DLG2: variants seen among roughly 807,000 people sequenced by gnomAD.
DLG2 encodes the protein discs large MAGUK scaffold protein 2.
DLG2 carries 45 observed loss-of-function variants against 132.5 expected under a neutral mutation model. That is an observed-to-expected ratio of 0.34 (90% CI 0.27 to 0.44). DLG2 has a LOEUF of 0.44. Among genes scored for constraint, DLG2 ranks in the 20% least tolerant of loss-of-function variants. DLG2 has a pLI of 1.00. For missense variants in DLG2, 1,045 were observed against 1,196.9 expected (o/e 0.87, Z 1.87); for synonymous variants, 424 against 419.6 (o/e 1.01, Z -0.13).
At chr11:84,321,177 T>G (rs1481297430) in intron 7 of DLG2, among the ~76,000 whole-genome samples, 1 of 152,210 alleles carries the variant, frequency 6.6e-6, no homozygotes, top group Non-Finnish European at 1.5e-5. Flanking sequence ...ATTTGTATAC[T>G]TGTCTGTGTA....
chr11:84,283,330 T>C (rs1254537410), intron 7 of DLG2, among the ~76,000 whole-genome samples: 2 of 152,220 alleles, frequency 1.3e-5, no homozygotes, highest in Non-Finnish European at 2.9e-5. Context: ...CCAAGTTCCA[T>C]AGTTTCTGTA....
intron 6 of DLG2, among the ~76,000 whole-genome samples, chr11:84,788,944 GAA>G (rs556221193): frequency 7.4e-4 from 113 of 152,234 alleles, no homozygotes; most frequent in African/African-American, 2.6e-3. Flanking sequence ...ACTAAGACCA[GAA>G]CAGAAGATGG....
chr11:84,312,497 A>G (rs1312341344), intron 7 of DLG2, among the ~76,000 whole-genome samples: 2 of 152,110 alleles, frequency 1.3e-5, no homozygotes, highest in Non-Finnish European at 2.9e-5. Context: ...AACGAACAAA[A>G]CAAAACAAAA....
rs2078325311 is a variant in DLG2, at chr11:85,282,934, C to G, written c.186+2286G>C. ...AAAAGGAACGAGATCATGCCCTTTGCAGGAACATAGATGAAGCTGGAGGTC... is the reference window on the plus strand; with the variant it reads ...AAAAGGAACGAGATCATGCCCTTTGGAGGAACATAGATGAAGCTGGAGGTC... On this transcript the variant is annotated intron_variant, in intron 4 of 27. Transcript: ENST00000376104. Among the ~76,000 whole-genome samples the G allele has an allele frequency of 1.3e-5, 2 of 152,004 alleles. 1 individual carries two copies. The highest frequency in any genetic ancestry group is 4.2e-4 in the South Asian group (2 of 4,810).
At chr11:85,099,343 G>C (rs573226141) in intron 6 of DLG2, among the ~76,000 whole-genome samples, 121 of 152,298 alleles carry the variant, frequency 7.9e-4, no homozygotes, top group African/African-American at 2.9e-3. Context: ...AGAACAAAAA[G>C]TCAGAACAGT....
chr11:84,652,171 C>G (rs115659014), intron 6 of DLG2, among the ~76,000 whole-genome samples: 1 of 152,052 alleles, frequency 6.6e-6, no homozygotes, highest in Non-Finnish European at 1.5e-5. Context: ...ATATTGTAAA[C>G]GTGTCACTTC....
At chr11:83,583,104 G>A (rs1248714124) in intron 19 of DLG2, among the ~76,000 whole-genome samples, 2 of 152,192 alleles carry the variant, frequency 1.3e-5, no homozygotes, top group Admixed American at 6.5e-5. Context: ...TCTCTCACTT[G>A]AGAGTTTCAT....
intron 9 of DLG2, among the ~76,000 whole-genome samples, chr11:84,150,050 C>T (rs1229635336): frequency 1.3e-5 from 2 of 152,132 alleles, no homozygotes; most frequent in African/African-American, 4.8e-5. Flanking sequence ...GCCACTGCAC[C>T]CAGCCACATA....
chr11:84,518,514 A>G (rs2154515993), intron 7 of DLG2, among the ~76,000 whole-genome samples: 1 of 152,220 alleles, frequency 6.6e-6, no homozygotes, highest in East Asian at 1.9e-4. Context: ...TAAGAAAACA[A>G]AAAGCAAACA....
intron 3 of DLG2, among the ~76,000 whole-genome samples, chr11:85,312,560 A>G (rs2080383226): frequency 1.3e-5 from 2 of 151,924 alleles, no homozygotes; most frequent in Admixed American, 1.3e-4. Flanking sequence ...AAGCATGAAA[A>G]GATTTTCAAA....
chr11:83,588,567 C>G (rs920379249), intron 19 of DLG2, among the ~76,000 whole-genome samples: 2 of 151,972 alleles, frequency 1.3e-5, no homozygotes, highest in Non-Finnish European at 2.9e-5. Context: ...ACTGGAAACT[C>G]TAAAAAGCAG....
intron 6 of DLG2, chr11:84,640,440 G>A: frequency 2.1e-6 from 1 of 473,916 alleles, no homozygotes. Context: ...AAACAACATT[G>A]AGCTTATTTC....
intron 4 of DLG2, among the ~76,000 whole-genome samples, chr11:85,249,654 A>T (rs1044886811): frequency 6.6e-6 from 1 of 152,232 alleles, no homozygotes; most frequent in East Asian, 1.9e-4. Context: ...AGCAGAATCA[A>T]TGATGGAGAC....
At chr11:85,498,167 G>C (rs1266733631) in intron 3 of DLG2, among the ~76,000 whole-genome samples, 2 of 152,160 alleles carry the variant, frequency 1.3e-5, no homozygotes. Context: ...CCATCAGTGT[G>C]CTATATTCAG....
intron 6 of DLG2, chr11:84,640,325 C>T (rs185460159): frequency 3.5e-5 from 12 of 347,530 alleles, no homozygotes; most frequent in African/African-American, 1.7e-4. Flanking sequence ...CTCTTGTTGA[C>T]ATCCGAAATT....
At chr11:84,821,844 G>C (rs2077736519) in intron 6 of DLG2, among the ~76,000 whole-genome samples, 1 of 151,522 alleles carries the variant, frequency 6.6e-6, no homozygotes, top group Admixed American at 6.6e-5. Flanking sequence ...TGTCTGGCTT[G>C]GTATATGGAG....
intron 22 of DLG2, 63 bp from the exon 23 acceptor site, chr11:83,472,840 T>A: frequency 7.2e-7 from 1 of 1,388,960 alleles, no homozygotes; most frequent in Non-Finnish European, 1.0e-6. Flanking sequence ...AGACAAGCCC[T>A]GCTCTGAAAC....
intron 4 of DLG2, among the ~76,000 whole-genome samples, chr11:85,216,826 G>A (rs1159850730): frequency 6.6e-6 from 1 of 151,952 alleles, no homozygotes; most frequent in Non-Finnish European, 1.5e-5. Context: ...CTCCCGAATA[G>A]CTGGGATTAC....
At chr11:83,936,190 G>T (rs1345813582) in intron 14 of DLG2, among the ~76,000 whole-genome samples, 1 of 152,222 alleles carries the variant, frequency 6.6e-6, no homozygotes, top group African/African-American at 2.4e-5. Context: ...CTCTACAAGA[G>T]GGTTGAACCA....
Sources: gnomAD v4.1 joint callset for allele counts (sites outside exome capture counted in the v4.1 genomes callset) on GRCh38, gnomAD v4.1.1 for gene constraint, MANE v1.5 for transcripts, NCBI Gene and HGNC (gene_info 2026-07-23, HGNC 2026-07-21) for gene names.